Variants in TRPM3 observed in about 807,000 individuals in gnomAD.
TRPM3 encodes the protein long transient receptor potential channel 3.
In TRPM3, 77 loss-of-function variants were observed where a neutral mutation model predicts 181.2. The ratio of observed to expected loss-of-function variants is 0.42; its 90% CI spans 0.35 to 0.51. The LOEUF (loss-of-function observed/expected upper bound fraction) is 0.51, where lower values mean the gene tolerates loss of function less well. TRPM3 is among the 20% of genes least tolerant of loss of function. The pLI is 0.01. For missense variants in TRPM3, 1,759 were observed against 2,196.7 expected (o/e 0.80, Z 3.98); for synonymous variants, 745 against 796.4 (o/e 0.94, Z 1.09).
chr9:71,146,166 T>A (rs908983858), intron 1 of TRPM3, among the ~76,000 whole-genome samples: 3 of 152,188 alleles, frequency 2.0e-5, no homozygotes, highest in Non-Finnish European at 4.4e-5. Flanking sequence ...TTGTAGATAC[T>A]CCTTAGACGT....
chr9:70,976,284 T>C (rs2097302001), intron 1 of TRPM3, among the ~76,000 whole-genome samples: 2 of 152,160 alleles, frequency 1.3e-5, no homozygotes, highest in South Asian at 4.1e-4. Context: ...ATTTATTCAC[T>C]GTGAAGGAAA....
At position 70,846,413 on chromosome 9, in the gene TRPM3, G is replaced by C. The variant is rs1203844886; in HGVS notation, c.641C>G (p.Thr214Ser). 1.2e-6 allele frequency: 2 copies of C among 1,614,118 alleles called. No individual in the cohort carries two copies. Among genetic ancestry groups the C allele is most frequent in the Non-Finnish European group, 1.7e-6 (2 of 1,180,006 alleles). The change falls in exon 4 of 26, where the codon ACT (threonine) becomes AGT (serine). Residue 214 changes from threonine (T) to serine (S), a missense_variant. By Grantham distance (58) the Thr-to-Ser change is moderately conservative. Around this residue, in one of 8 missense-constraint regions of TRPM3, gnomAD observed 737 missense variants for 957.4 expected, o/e 0.77. Coordinates refer to ENST00000677713, the MANE Select transcript of TRPM3 (RefSeq NM_001366145.2). ...CCCTCCAGTGAATATCCACGCTCCA[G>C]TTGTCATTGCTGCTTTGATGAGCCC... The part of the protein sequence containing the change: ...GKGLIKAAMT[T>S]GAWIFTGGVN...
At chr9:71,049,697 G>A (rs928927243) in intron 1 of TRPM3, among the ~76,000 whole-genome samples, 1 of 152,070 alleles carries the variant, frequency 6.6e-6, no homozygotes, top group Non-Finnish European at 1.5e-5. Flanking sequence ...GGTCATTGTG[G>A]GTAGTTTGTG....
At chr9:71,197,058 C>A (rs1017411875) in intron 1 of TRPM3, among the ~76,000 whole-genome samples, 8 of 152,100 alleles carry the variant, frequency 5.3e-5, no homozygotes, top group Admixed American at 4.6e-4. Flanking sequence ...GTGTGATGTT[C>A]CCCTTCCTGT....
At chr9:71,348,315 T>C (rs1298057292) in intron 1 of TRPM3, among the ~76,000 whole-genome samples, 1 of 152,034 alleles carries the variant, frequency 6.6e-6, no homozygotes, top group Non-Finnish European at 1.5e-5. Context: ...AAATTTTTTG[T>C]GATTGAATAT....
At chr9:71,144,137 T>C (rs1410195429) in intron 1 of TRPM3, among the ~76,000 whole-genome samples, 5 of 152,168 alleles carry the variant, frequency 3.3e-5, no homozygotes, top group Non-Finnish European at 5.9e-5. Flanking sequence ...ATTCCTTACA[T>C]TGTGGCCAAA....
intron 1 of TRPM3, among the ~76,000 whole-genome samples, chr9:71,055,691 C>A (rs1256467814): frequency 1.3e-5 from 2 of 151,988 alleles, no homozygotes; most frequent in African/African-American, 4.8e-5. Flanking sequence ...GAGTTCAGAT[C>A]TTTATGCCAG....
intron 1 of TRPM3, among the ~76,000 whole-genome samples, chr9:70,991,123 A>G (rs2097480104): frequency 6.6e-6 from 1 of 151,634 alleles, no homozygotes; most frequent in Non-Finnish European, 1.5e-5. Context: ...ATCCACCTCT[A>G]CTCTTTCTCA....
chr9:70,677,185 C>T lies in TRPM3; in HGVS notation c.1345+4321G>A, dbSNP rs910542161. Among the ~76,000 whole-genome samples, 21 of 152,284 alleles carry T rather than the reference C, an allele frequency of 1.4e-4. 1 individual carries two copies. Among genetic ancestry groups the T allele is most frequent in the Admixed American group, 1.4e-3 (21 of 15,308 alleles). Reference sequence around the variant, plus strand: ...AGTGTGCCATGTCGGCTTACCATTGCCATGGCAACACCCAGGAGTTACCAC... The same window carrying T: ...AGTGTGCCATGTCGGCTTACCATTGTCATGGCAACACCCAGGAGTTACCAC... On this transcript the variant is annotated intron_variant, in intron 9 of 25. Coordinates refer to ENST00000677713, the MANE Select transcript of TRPM3 (RefSeq NM_001366145.2).
intron 1 of TRPM3, among the ~76,000 whole-genome samples, chr9:70,909,274 G>A (rs2096509886): frequency 6.6e-6 from 1 of 152,170 alleles, no homozygotes; most frequent in Non-Finnish European, 1.5e-5. Flanking sequence ...GTTCTATCTA[G>A]CTCTTATCTG....
rs1589470553 is a variant in TRPM3, at chr9:70,625,863, C to T, written c.1633-346G>A. 6.6e-6 allele frequency among the ~76,000 whole-genome samples: 1 copy of T among 152,120 alleles called. No homozygotes were observed. Among genetic ancestry groups the T allele is most frequent in the Non-Finnish European group, 1.5e-5 (1 of 68,032 alleles). Reference sequence around the variant, plus strand: ...TTTAGGACTCGGGTCTCCTTTAATACAAAACCTCTATCCATAATTTTAAAA... The same window carrying T: ...TTTAGGACTCGGGTCTCCTTTAATATAAAACCTCTATCCATAATTTTAAAA... On this transcript the variant is annotated intron_variant, in intron 12 of 25. Transcript: ENST00000677713. This position sits in a 1 kb window ranked among gnomAD's most constrained non-coding sequence, Gnocchi z 4.8.
chr9:70,785,623 T>C (rs1669524423), intron 6 of TRPM3, among the ~76,000 whole-genome samples: 5 of 152,204 alleles, frequency 3.3e-5, no homozygotes, highest in South Asian at 2.1e-4. Context: ...TTATCTGATA[T>C]CAAGAAACTG....
chr9:70,971,666 T>C (rs937587603), intron 1 of TRPM3, among the ~76,000 whole-genome samples: 6 of 152,172 alleles, frequency 3.9e-5, no homozygotes, highest in Non-Finnish European at 8.8e-5. Flanking sequence ...TAAATTTGTA[T>C]TTTGGTTCTT....
chr9:71,256,026 T>C (rs2082649982), intron 1 of TRPM3, among the ~76,000 whole-genome samples: 1 of 152,318 alleles, frequency 6.6e-6, no homozygotes, highest in Admixed American at 6.5e-5. Flanking sequence ...AGATGTGACA[T>C]ATTCAGTAAG....
At chr9:71,446,913 C>T, upstream of TRPM3, 1 of 1,371,134 alleles carries the variant, frequency 7.3e-7, no homozygotes, top group Non-Finnish European at 9.6e-7. Context: ...GGTCTCCCTC[C>T]AGCCTGCGCG....
chr9:71,042,078 C>T (rs1049029502), intron 1 of TRPM3, among the ~76,000 whole-genome samples: 2 of 152,022 alleles, frequency 1.3e-5, no homozygotes, highest in Admixed American at 6.6e-5. Context: ...ATTATTATTC[C>T]CAGTTTTGGA....
intron 1 of TRPM3, among the ~76,000 whole-genome samples, chr9:70,866,986 T>C (rs745468086): frequency 5.9e-5 from 9 of 152,084 alleles, no homozygotes; most frequent in Non-Finnish European, 1.0e-4. Flanking sequence ...TTAGATGTTA[T>C]TGATATGAAA....
intron 1 of TRPM3, among the ~76,000 whole-genome samples, chr9:71,189,092 C>T (rs572169381): frequency 3.8e-4 from 57 of 151,948 alleles, no homozygotes; most frequent in African/African-American, 1.3e-3. Context: ...TACTTCTGAA[C>T]ATGAGTCAAT....
rs2041573565 is a variant in TRPM3 at position 70,535,805 on chromosome 9, C to T, written c.*148G>A. 1 of 1,496,688 alleles carries T rather than the reference C, an allele frequency of 6.7e-7. No individual in the cohort carries two copies. The highest frequency in any genetic ancestry group is 8.8e-7 in the Non-Finnish European group (1 of 1,131,552). The allele number at this position is 1,496,688 out of a possible 1,614,324, so 92.7% of individuals were successfully genotyped here. On this transcript the variant is annotated 3_prime_UTR_variant, in exon 26 of 26. Transcript: ENST00000677713. ...CTTTCTTGATCTGTGGCCCAGAAGTCACCTTTGAGTTAACACCTCCCAAAG... is the reference window on the plus strand; with the variant it reads ...CTTTCTTGATCTGTGGCCCAGAAGTTACCTTTGAGTTAACACCTCCCAAAG...
Sources: allele counts gnomAD v4.1 joint callset (sites outside exome capture counted in the v4.1 genomes callset), GRCh38; gene constraint gnomAD v4.1.1; regional missense constraint gnomAD v4.1.1; non-coding constraint Gnocchi (gnomAD v3.1); transcripts MANE v1.5; gene names NCBI Gene and HGNC (gene_info 2026-07-23, HGNC 2026-07-21).